Variants in DTL observed in about 807,000 individuals in gnomAD.
The protein encoded by DTL is denticleless protein homolog.
Under a neutral mutation model 87.0 loss-of-function variants are expected in DTL, and 46 were observed. The ratio of observed to expected loss-of-function variants is 0.53; its 90% confidence interval spans 0.42 to 0.68. The LOEUF is 0.68. DTL is among the 30% of genes least tolerant of loss of function. The pLI is 0.00. For synonymous variants in DTL, 308 were observed against 311.2 expected, an observed-to-expected ratio of 0.99 and a Z score of 0.11; for missense variants, 737 against 869.4, an observed-to-expected ratio of 0.85 and a Z score of 1.91.
intron 5 of DTL, among the ~76,000 whole-genome samples, chr1:212,058,696 G>C (rs1274115182): frequency 6.6e-6 from 1 of 151,492 alleles, no homozygotes; most frequent in African/African-American, 2.4e-5. Flanking sequence ...AAATAGCAGA[G>C]CCTAACTAAA....
chr1:212,051,882 A>T, intron 5 of DTL: 1 of 875,680 alleles, frequency 1.1e-6, no homozygotes, highest in African/African-American at 1.7e-5. Flanking sequence ...CGTTCCCTTG[A>T]TGTCTACAAT....
chr1:212,062,552 C>T (rs757495131), intron 5 of DTL, among the ~76,000 whole-genome samples: 1 of 152,098 alleles, frequency 6.6e-6, no homozygotes, highest in African/African-American at 2.4e-5. Flanking sequence ...TTATAAAACA[C>T]GCGGGATAGT....
intron 5 of DTL, among the ~76,000 whole-genome samples, chr1:212,055,272 A>G (rs954360442): frequency 6.6e-6 from 1 of 152,148 alleles, no homozygotes; most frequent in Non-Finnish European, 1.5e-5. Flanking sequence ...AGCAGCCCAA[A>G]TACCCACTGT....
chr1:212,056,273 G>T (rs1668175093), intron 5 of DTL, among the ~76,000 whole-genome samples: 1 of 152,174 alleles, frequency 6.6e-6, no homozygotes. Context: ...TCAGACCACT[G>T]CTGCCACCAC....
intron 8 of DTL, 144 bp downstream of exon 8, chr1:212,067,029 A>C (rs1571959816): frequency 6.0e-6 from 4 of 664,986 alleles, no homozygotes; most frequent in Non-Finnish European, 7.6e-6. Context: ...GGAGCTATAG[A>C]TCACATTGGA....
chr1:212,102,364 A>G (rs771547450), intron 14 of DTL, among the ~76,000 whole-genome samples: 2 of 152,210 alleles, frequency 1.3e-5, no homozygotes, highest in African/African-American at 2.4e-5. Flanking sequence ...TCACTGATAC[A>G]TAAATCTTAA....
intron 13 of DTL, among the ~76,000 whole-genome samples, chr1:212,095,153 G>T (rs1000535844): frequency 6.6e-6 from 1 of 152,116 alleles, no homozygotes; most frequent in African/African-American, 2.4e-5. Flanking sequence ...GTGAAAGTGG[G>T]CATCCTTGTC....
chr1:212,093,012 C>G (rs371881674), intron 13 of DTL, among the ~76,000 whole-genome samples: 11 of 152,240 alleles, frequency 7.2e-5, no homozygotes, highest in African/African-American at 2.4e-4. Flanking sequence ...AGCATTTTTT[C>G]ATAAGTTTGA....
chr1:212,101,720 G>C (rs879501459), intron 14 of DTL, among the ~76,000 whole-genome samples: 6 of 152,112 alleles, frequency 3.9e-5, no homozygotes, highest in African/African-American at 1.4e-4. Flanking sequence ...ATTCAGTGTA[G>C]TGTCACTTAT....
chr1:212,046,419 A>G (rs769221631), intron 3 of DTL, among the ~76,000 whole-genome samples: 2 of 151,898 alleles, frequency 1.3e-5, no homozygotes, highest in Non-Finnish European at 2.9e-5. Flanking sequence ...TGCATTAGCT[A>G]TTTTTCCTGA....
At position 212,035,957 on chromosome 1, in the gene DTL, C is replaced by T. The variant is rs765519365; in HGVS notation, c.52+15C>T. 1.9e-6 allele frequency: 3 copies of T among 1,613,370 alleles called. No homozygotes were observed. The highest frequency in any genetic ancestry group is 2.5e-6 in the Non-Finnish European group (3 of 1,179,354). The stretch of plus-strand genomic sequence containing the variant: ...CCTGAGAAATGGTGAGTAACGGTCC[C>T]AACCGCTGCTCGGAGCTGGCGGAAT... On this transcript the variant is annotated intron_variant, in intron 1 of 14. Coordinates refer to ENST00000366991, the MANE Select transcript of DTL (RefSeq NM_016448.4).
Position 212,102,822 on chromosome 1 carries a change from T to C in DTL, c.2095-20T>C. 2 of 1,548,202 alleles carry C rather than the reference T, an allele frequency of 1.3e-6. 1 individual carries two copies. Among genetic ancestry groups the C allele is most frequent in the South Asian group, 2.3e-5 (2 of 88,778 alleles). ...TTGAACTTCAAGGAAATCTCTGAAA[T>C]CTAAACTTTCTTCTTCTAGGTCACC... On this transcript the variant is annotated intron_variant, in intron 14 of 14. Transcript: ENST00000366991.
chr1:212,081,553 G>C (rs112211579), intron 13 of DTL, among the ~76,000 whole-genome samples: 4,009 of 152,314 alleles, frequency 0.026, 60 homozygotes, highest in African/African-American at 0.047. Flanking sequence ...AAATTGTAAG[G>C]GGGTCAGGGT....
chr1:212,092,773 G>T (rs1655323543), intron 13 of DTL, among the ~76,000 whole-genome samples: 1 of 152,068 alleles, frequency 6.6e-6, no homozygotes, highest in Non-Finnish European at 1.5e-5. Flanking sequence ...TTTCCTCTGG[G>T]TAGATACCCA....
At chr1:212,073,444 A>G (rs1223392327) in intron 11 of DTL, among the ~76,000 whole-genome samples, 2 of 152,314 alleles carry the variant, frequency 1.3e-5, no homozygotes, top group East Asian at 3.9e-4. Context: ...TCCCTTCTCA[A>G]GAGAAAGTTA....
intron 5 of DTL, among the ~76,000 whole-genome samples, chr1:212,056,663 A>G (rs1431405720): frequency 6.6e-6 from 1 of 152,194 alleles, no homozygotes; most frequent in Non-Finnish European, 1.5e-5. Context: ...GAATTCTCAA[A>G]ATCCTGGAAA....
At chr1:212,051,105 A>T (rs951286401) in intron 5 of DTL, among the ~76,000 whole-genome samples, 7 of 151,786 alleles carry the variant, frequency 4.6e-5, no homozygotes, top group Non-Finnish European at 8.8e-5. Context: ...TTTGCTTTCA[A>T]CCTATACCTT....
At chr1:212,060,605 C>T (rs1257956362) in intron 5 of DTL, among the ~76,000 whole-genome samples, 1 of 151,796 alleles carries the variant, frequency 6.6e-6, no homozygotes, top group Non-Finnish European at 1.5e-5. Flanking sequence ...ACGTGGTAGG[C>T]GCGCCTGTAG....
chr1:212,078,450 G>T (rs1008074513), intron 12 of DTL, among the ~76,000 whole-genome samples, 188 bp downstream of exon 12: 3 of 151,926 alleles, frequency 2.0e-5, no homozygotes, highest in African/African-American at 7.2e-5. Context: ...ATACCATAAT[G>T]GTATTATGCC....
Sources: gnomAD v4.1 joint callset for allele counts (sites outside exome capture counted in the v4.1 genomes callset) on GRCh38, gnomAD v4.1.1 for gene constraint, MANE v1.5 for transcripts, NCBI Gene and HGNC (gene_info 2026-07-23, HGNC 2026-07-21) for gene names.